The following FHIT variants were observed in gnomAD, a reference collection of about 807,000 sequenced individuals.
FHIT encodes bis(5'-adenosyl)-triphosphatase.
In FHIT, 19 loss-of-function variants were observed where a neutral mutation model predicts 17.9. The ratio of observed to expected loss-of-function variants is 1.06; its 90% CI spans 0.74 to 1.56. The LOEUF is 1.56. Ranked by LOEUF, FHIT falls within the 40% of genes most tolerant of loss-of-function variation. The pLI is 0.00. For synonymous variants in FHIT, 81 were observed against 69.7 expected (o/e 1.16, Z -0.81); for missense variants, 248 against 189.2 (o/e 1.31, Z -1.82).
intron 2 of FHIT, among the ~76,000 whole-genome samples, chr3:61,182,582 T>G (rs887887926): frequency 6.6e-6 from 1 of 152,186 alleles, no homozygotes; most frequent in Non-Finnish European, 1.5e-5. Context: ...ATGTACCACA[T>G]GGAATACTGT....
At chr3:60,160,768 T>C (rs1489869830) in intron 5 of FHIT, among the ~76,000 whole-genome samples, 2 of 152,010 alleles carry the variant, frequency 1.3e-5, no homozygotes, top group African/African-American at 4.8e-5. Flanking sequence ...CAATAACACA[T>C]TGTTACTTGT....
At chr3:60,133,494 T>C (rs188180950) in intron 5 of FHIT, among the ~76,000 whole-genome samples, 2 of 152,250 alleles carry the variant, frequency 1.3e-5, no homozygotes, top group East Asian at 3.9e-4. Context: ...GCTCAGCATC[T>C]TGTCTACCAG....
intron 4 of FHIT, among the ~76,000 whole-genome samples, chr3:60,630,950 AAAAAAAC>A (rs1247000334): frequency 1.8e-5 from 2 of 110,306 alleles, no homozygotes; most frequent in African/African-American, 6.4e-5. Context: ...AAAAAAAAAA[AAAAAAAC>A]ACACAGAAAT....
At chr3:60,279,927 G>T (rs1707349602) in intron 5 of FHIT, among the ~76,000 whole-genome samples, 1 of 151,760 alleles carries the variant, frequency 6.6e-6, no homozygotes, top group African/African-American at 2.4e-5. Context: ...AGCTACTTGG[G>T]AGGCTGAGGC....
intron 3 of FHIT, among the ~76,000 whole-genome samples, chr3:60,887,854 C>G (rs1553759660): frequency 1.3e-5 from 2 of 152,032 alleles, no homozygotes; most frequent in African/African-American, 4.8e-5. Context: ...TATAAGTACT[C>G]TTTTCTATGA....
chr3:60,523,577 A>C (rs1327840006), intron 5 of FHIT, among the ~76,000 whole-genome samples: 1 of 152,222 alleles, frequency 6.6e-6, no homozygotes. Context: ...AAGCCATAAA[A>C]ACTTGACTAA....
At chr3:60,723,670 C>T (rs940083937) in intron 4 of FHIT, among the ~76,000 whole-genome samples, 3 of 152,196 alleles carry the variant, frequency 2.0e-5, no homozygotes, top group Non-Finnish European at 2.9e-5. Flanking sequence ...CACCATGCAC[C>T]TTTTCCCTAT....
intron 5 of FHIT, among the ~76,000 whole-genome samples, chr3:60,401,842 C>T (rs1701669903): frequency 6.6e-6 from 1 of 152,148 alleles, no homozygotes. Flanking sequence ...TTTGGACAAG[C>T]ATAATCTTGC....
At chr3:60,365,656 T>C (rs901050003) in intron 5 of FHIT, among the ~76,000 whole-genome samples, 1 of 152,210 alleles carries the variant, frequency 6.6e-6, no homozygotes, top group African/African-American at 2.4e-5. Context: ...GCCATCTCTT[T>C]CAGATCAAAA....
In FHIT at chr3:60,919,144, G is replaced by A. The variant is rs139160338; in HGVS notation, c.-110-97133C>T. ...AGCTCTTGTCAAGATGATGCAGGGG[G>A]CCTCATGTCAGGCTAAGGATTCTGG... On this transcript the variant is annotated intron_variant, in intron 3 of 9. Coordinates refer to ENST00000492590, the MANE Select transcript of FHIT (RefSeq NM_002012.4). Among the ~76,000 whole-genome samples the A allele has an allele frequency of 1.2e-4, 18 of 152,254 alleles. 1 individual carries two copies. The highest frequency in any genetic ancestry group is 4.1e-4 in the African/African-American group (17 of 41,568).
intron 8 of FHIT, among the ~76,000 whole-genome samples, chr3:59,793,491 G>A (rs1699654435): frequency 6.6e-6 from 1 of 152,098 alleles, no homozygotes; most frequent in Non-Finnish European, 1.5e-5. Flanking sequence ...AAGGTCACAT[G>A]GCCACTGGTA....
At chr3:60,938,747 T>C (rs1708293485) in intron 3 of FHIT, among the ~76,000 whole-genome samples, 1 of 152,154 alleles carries the variant, frequency 6.6e-6, no homozygotes. Context: ...GCCTTGCCAA[T>C]AGAAAAACAA....
chr3:60,982,846 T>C (rs1197000852), intron 3 of FHIT, among the ~76,000 whole-genome samples: 1 of 152,228 alleles, frequency 6.6e-6, no homozygotes, highest in Admixed American at 6.5e-5. Context: ...TTCAAGAGCT[T>C]CCATCACTAT....
At chr3:60,035,457 C>T (rs984396760) in intron 5 of FHIT, among the ~76,000 whole-genome samples, 7 of 152,176 alleles carry the variant, frequency 4.6e-5, no homozygotes, top group African/African-American at 1.2e-4. Flanking sequence ...AGGCTAGTCT[C>T]GAACTCCTTG....
chr3:59,990,318 A>G (rs1709169721), intron 7 of FHIT, among the ~76,000 whole-genome samples: 1 of 152,058 alleles, frequency 6.6e-6, no homozygotes, highest in Non-Finnish European at 1.5e-5. Context: ...GCCAAGCACC[A>G]TGTTGGCCTC....
At chr3:59,880,695 A>T (rs549604458) in intron 8 of FHIT, among the ~76,000 whole-genome samples, 1 of 152,342 alleles carries the variant, frequency 6.6e-6, no homozygotes, top group South Asian at 2.1e-4. Flanking sequence ...AGCCTGAGAT[A>T]GTATCAGGCA....
intron 5 of FHIT, among the ~76,000 whole-genome samples, chr3:60,227,137 G>C (rs974372530): frequency 1.3e-5 from 2 of 152,050 alleles, no homozygotes; most frequent in Admixed American, 6.6e-5. Flanking sequence ...ACACCTGTTA[G>C]AAAAATGGGC....
chr3:60,060,265 C>A (rs980828324), intron 5 of FHIT, among the ~76,000 whole-genome samples: 8 of 152,070 alleles, frequency 5.3e-5, no homozygotes, highest in Middle Eastern at 3.4e-3. Context: ...GAAAGAAAAT[C>A]TTTGACTCAA....
chr3:60,929,908 A>C (rs1707855107), intron 3 of FHIT, among the ~76,000 whole-genome samples: 1 of 152,242 alleles, frequency 6.6e-6, no homozygotes, highest in Admixed American at 6.5e-5. Context: ...TTGCCAAGTC[A>C]ATCCTAAGCC....
Sources: allele counts gnomAD v4.1 joint callset (sites outside exome capture counted in the v4.1 genomes callset), GRCh38; gene constraint gnomAD v4.1.1; transcripts MANE v1.5; gene names NCBI Gene and HGNC (gene_info 2026-07-23, HGNC 2026-07-21).